Variants in INTS7 observed in about 807,000 individuals in gnomAD.
INTS7 encodes the protein integrator complex subunit 7, also known as chromosome 1 open reading frame 73.
Under a neutral mutation model 109.2 loss-of-function variants are expected in INTS7, and 46 were observed. That is an observed-to-expected ratio of 0.42 (90% CI 0.33 to 0.54). The LOEUF (loss-of-function observed/expected upper bound fraction) is 0.54. Among genes scored for constraint, INTS7 ranks in the 20% least tolerant of loss-of-function variants. The pLI is 0.07. For missense variants in INTS7, 929 were observed against 1,132.4 expected, an observed-to-expected ratio of 0.82 and a Z score of 2.58; for synonymous variants, 412 against 402.9, an observed-to-expected ratio of 1.02 and a Z score of -0.27.
intron 16 of INTS7, among the ~76,000 whole-genome samples, chr1:211,964,954 A>G (rs1041922831): frequency 2.6e-5 from 4 of 152,234 alleles, no homozygotes; most frequent in African/African-American, 4.8e-5. Context: ...AAATTGACAA[A>G]TGGGATCTAA....
intron 18 of INTS7, among the ~76,000 whole-genome samples, chr1:211,945,215 C>T (rs1662799664): frequency 6.6e-6 from 1 of 152,116 alleles, no homozygotes; most frequent in African/African-American, 2.4e-5. Flanking sequence ...TAGAAAAAAG[C>T]AAAGGCACTA....
chr1:211,978,642 A>G (rs76720094), intron 10 of INTS7, 131 bp from the exon 11 acceptor site: 18,619 of 917,998 alleles, frequency 0.02, 240 homozygotes, highest in African/African-American at 0.045. Flanking sequence ...ATTTTACTTC[A>G]TAAGAAATAT....
chr1:211,982,395 CCACCATATATG>C (rs1448982330), intron 9 of INTS7, among the ~76,000 whole-genome samples: 2 of 152,040 alleles, frequency 1.3e-5, no homozygotes, highest in South Asian at 2.1e-4. Flanking sequence ...CAATCTTTAT[CCACCATATATG>C]CACCATATAT....
intron 13 of INTS7, among the ~76,000 whole-genome samples, chr1:211,970,899 ATATCT>A (rs1664138840): frequency 6.6e-6 from 1 of 152,180 alleles, no homozygotes; most frequent in South Asian, 2.1e-4. Context: ...CTCTTAGGTA[ATATCT>A]TACAGCAATA....
chr1:211,969,434 A>C (rs1029698401), intron 13 of INTS7, among the ~76,000 whole-genome samples: 14 of 152,102 alleles, frequency 9.2e-5, no homozygotes, highest in African/African-American at 3.4e-4. Context: ...AAGAAAAAGA[A>C]AGATAAGGGC....
intron 1 of INTS7, among the ~76,000 whole-genome samples, chr1:212,023,097 G>A (rs1378841887): frequency 6.6e-6 from 1 of 152,074 alleles, no homozygotes; most frequent in Admixed American, 6.5e-5. Context: ...TCTTTTTTAT[G>A]GCTGCATAGT....
intron 16 of INTS7, among the ~76,000 whole-genome samples, chr1:211,953,707 A>G (rs1189322253): frequency 6.6e-6 from 1 of 151,506 alleles, no homozygotes; most frequent in Non-Finnish European, 1.5e-5. Flanking sequence ...AGTTTCATCC[A>G]TGTCCCTACA....
At chr1:211,982,539 A>G in intron 9 of INTS7, 137 bp downstream of exon 9, 1 of 615,374 alleles carries the variant, frequency 1.6e-6, no homozygotes. Flanking sequence ...CACATGCTCT[A>G]AGAACACTTT....
intron 10 of INTS7, among the ~76,000 whole-genome samples, chr1:211,980,679 C>T (rs939917459): frequency 6.6e-6 from 1 of 152,092 alleles, no homozygotes; most frequent in African/African-American, 2.4e-5. Flanking sequence ...CTCATGCAAT[C>T]CTTCCACCTT....
intron 1 of INTS7, among the ~76,000 whole-genome samples, chr1:212,022,222 CAT>C (rs1203461711): frequency 6.6e-6 from 1 of 152,248 alleles, no homozygotes; most frequent in Non-Finnish European, 1.5e-5. Context: ...TAGAAGAAGA[CAT>C]AGAGACAATT....
intron 8 of INTS7, among the ~76,000 whole-genome samples, chr1:211,985,948 T>A (rs986528329): frequency 6.6e-6 from 1 of 152,168 alleles, no homozygotes; most frequent in Non-Finnish European, 1.5e-5. Context: ...GCACCCTAGG[T>A]ATATGGTACG....
At chr1:211,982,432 G>T (rs1664705483) in intron 9 of INTS7, among the ~76,000 whole-genome samples, 1 of 152,050 alleles carries the variant, frequency 6.6e-6, no homozygotes. Context: ...GGTAAGCAGT[G>T]GAAGGAAATG....
intron 17 of INTS7, among the ~76,000 whole-genome samples, chr1:211,949,160 G>A (rs1282948858): frequency 6.6e-6 from 1 of 152,188 alleles, no homozygotes; most frequent in Non-Finnish European, 1.5e-5. Flanking sequence ...TCTTTTTAAA[G>A]AGCCTCTTCT....
chr1:212,026,686 G>A (rs1300425445), intron 1 of INTS7, among the ~76,000 whole-genome samples: 6 of 152,288 alleles, frequency 3.9e-5, no homozygotes, highest in Middle Eastern at 3.4e-3. Context: ...GTGTGCTTAC[G>A]TATATGTGTT....
chr1:212,021,320 TAAG>T (rs1666688407), intron 1 of INTS7, 108 bp from the exon 2 acceptor site: 3 of 942,572 alleles, frequency 3.2e-6, no homozygotes, highest in Non-Finnish European at 4.7e-6. Flanking sequence ...TAATCATTCT[TAAG>T]AAGCAGGTAA....
At chr1:211,954,227 G>A (rs186707842) in intron 16 of INTS7, among the ~76,000 whole-genome samples, 9,504 of 152,156 alleles carry the variant, frequency 0.062, 442 homozygotes, top group East Asian at 0.19. Flanking sequence ...CATGTCCTTC[G>A]CTCACTTTTT....
intron 17 of INTS7, among the ~76,000 whole-genome samples, chr1:211,947,276 A>C (rs1249875585): frequency 6.6e-6 from 1 of 152,210 alleles, no homozygotes; most frequent in Non-Finnish European, 1.5e-5. Flanking sequence ...TGCCTCACAC[A>C]TTTAACTGAG....
intron 4 of INTS7, among the ~76,000 whole-genome samples, chr1:212,016,615 A>G (rs1251939559): frequency 6.6e-6 from 1 of 152,238 alleles, no homozygotes; most frequent in African/African-American, 2.4e-5. Context: ...CTGCTACCCA[A>G]TGAAGCCTTC....
chr1:211,997,441 T>G (rs1460245621), intron 7 of INTS7, among the ~76,000 whole-genome samples: 1 of 140,016 alleles, frequency 7.1e-6, no homozygotes, highest in African/African-American at 2.7e-5. Flanking sequence ...GAGGCTGAGG[T>G]GGGAGATCAC....
Sources: allele counts gnomAD v4.1 joint callset (sites outside exome capture counted in the v4.1 genomes callset), GRCh38; gene constraint gnomAD v4.1.1; transcripts MANE v1.5; gene names NCBI Gene and HGNC (gene_info 2026-07-23, HGNC 2026-07-21).